The following PTPRN2 variants were observed in gnomAD, a reference collection of about 807,000 sequenced individuals.
The protein encoded by PTPRN2 is protein tyrosine phosphatase receptor type N2.
A neutral mutation model predicts 118.8 loss-of-function variants in PTPRN2; 74 were observed. The ratio of observed to expected loss-of-function variants is 0.62; its 90% CI spans 0.52 to 0.76. The LOEUF (loss-of-function observed/expected upper bound fraction) is 0.76. Ranked by LOEUF, PTPRN2 falls within the 30% of genes least tolerant of loss-of-function variation. The pLI is 0.00. For synonymous variants in PTPRN2, 641 were observed against 608.0 expected, an observed-to-expected ratio of 1.05 and a Z score of -0.80; for missense variants, 1,481 against 1,394.4, an observed-to-expected ratio of 1.06 and a Z score of -0.99.
At chr7:158,032,223 C>T (rs749058060) in intron 11 of PTPRN2, among the ~76,000 whole-genome samples, 5 of 152,184 alleles carry the variant, frequency 3.3e-5, no homozygotes, top group East Asian at 1.9e-4. Context: ...ATTGCTTCGC[C>T]GGGAGCAGCA....
chr7:157,962,613 G>A (rs1253978978), intron 11 of PTPRN2, among the ~76,000 whole-genome samples: 1 of 152,212 alleles, frequency 6.6e-6, no homozygotes, highest in Non-Finnish European at 1.5e-5. Flanking sequence ...TACACACCCG[G>A]GGTCAGGTGC....
In PTPRN2 at chr7:158,406,853, C is replaced by CA. The variant is rs1444046471; in HGVS notation, c.163+82881dup. On this transcript the variant is annotated intron_variant, in intron 2 of 22. Transcript: ENST00000389418. ...GCTGTTATAAACAGACCCTGGATGA[C>CA]AGAGCTCCAGGATCACAGCAGGCAC... 2.0e-5 allele frequency among the ~76,000 whole-genome samples: 3 copies of CA among 152,210 alleles called. 1 individual carries two copies. Among genetic ancestry groups the CA allele is most frequent in the Admixed American group, 1.3e-4 (2 of 15,290 alleles).
chr7:158,515,127 C>T (rs1249513990), intron 1 of PTPRN2, among the ~76,000 whole-genome samples: 1 of 151,958 alleles, frequency 6.6e-6, no homozygotes, highest in South Asian at 2.1e-4. Flanking sequence ...GAGAAAGGGG[C>T]AGCCCCGGGC....
intron 2 of PTPRN2, among the ~76,000 whole-genome samples, chr7:158,324,058 T>TAC (rs1803265700): frequency 1.4e-4 from 3 of 21,578 alleles, no homozygotes; most frequent in African/African-American, 3.7e-4. Flanking sequence ...TTTGCAAACG[T>TAC]GCACACACAC....
At position 158,238,012 on chromosome 7, in the gene PTPRN2, C is replaced by T. The variant is rs983027833; in HGVS notation, c.278-32739G>A. Among the ~76,000 whole-genome samples the T allele has an allele frequency of 7.2e-5, 11 of 152,276 alleles. No homozygotes were observed. In the South Asian group the frequency reaches 8.3e-4, roughly 11 times the overall value. ...CCACACCTGTGCTGGCTGCTCCCGA[C>T]GTCCCTGGAGGCCAGCTGTTCCGGC... On this transcript the variant is annotated intron_variant, in intron 3 of 22. Coordinates refer to ENST00000389418, the MANE Select transcript of PTPRN2 (RefSeq NM_002847.5).
At position 157,974,579 on chromosome 7, in the gene PTPRN2, C is replaced by T. The variant is rs1475334435; in HGVS notation, c.1724-75842G>A. 6.6e-6 allele frequency among the ~76,000 whole-genome samples: 1 copy of T among 151,896 alleles called. No homozygotes were observed. Among genetic ancestry groups the T allele is most frequent in the Non-Finnish European group, 1.5e-5 (1 of 67,980 alleles). On this transcript the variant is annotated intron_variant, in intron 11 of 22. Transcript: ENST00000389418. This position sits in a 1 kb window ranked among gnomAD's most constrained non-coding sequence, Gnocchi z 4.0. Reference sequence around the variant, plus strand: ...TTGTCGTGGACATCTCTGGTCTCAGCCGGCAGGGGTGGGTGGGACCTCAGA... The same window carrying T: ...TTGTCGTGGACATCTCTGGTCTCAGTCGGCAGGGGTGGGTGGGACCTCAGA...
intron 12 of PTPRN2, among the ~76,000 whole-genome samples, chr7:157,835,333 G>C (rs549733381): frequency 4.2e-4 from 64 of 152,342 alleles, no homozygotes; most frequent in Non-Finnish European, 7.3e-4. Context: ...TGAAGGCAAA[G>C]AGCTGGAACT....
At chr7:157,736,998 G>C (rs1800336903) in intron 12 of PTPRN2, among the ~76,000 whole-genome samples, 1 of 152,172 alleles carries the variant, frequency 6.6e-6, no homozygotes, top group Non-Finnish European at 1.5e-5. Flanking sequence ...CTTTGCAGAG[G>C]CTTCCCGAGT....
chr7:158,571,498 A>C (rs933814392), intron 1 of PTPRN2, among the ~76,000 whole-genome samples: 2 of 148,054 alleles, frequency 1.4e-5, no homozygotes, highest in African/African-American at 2.6e-5. Flanking sequence ...AAAACAAAAA[A>C]AAACAAAAAA....
chr7:158,268,332 A>G (rs1167256768), intron 3 of PTPRN2, among the ~76,000 whole-genome samples: 1 of 148,784 alleles, frequency 6.7e-6, no homozygotes, highest in African/African-American at 2.5e-5. Flanking sequence ...GCACGCACAC[A>G]GGGCGGGTGT....
At chr7:158,176,402 A>G (rs762691026) in intron 5 of PTPRN2, among the ~76,000 whole-genome samples, 3 of 152,180 alleles carry the variant, frequency 2.0e-5, no homozygotes, top group Non-Finnish European at 4.4e-5. Context: ...ACATTTTGCA[A>G]ATGAGGAAAG....
intron 2 of PTPRN2, among the ~76,000 whole-genome samples, chr7:158,375,624 C>G (rs1421185037): frequency 6.6e-6 from 1 of 152,258 alleles, no homozygotes; most frequent in African/African-American, 2.4e-5. Flanking sequence ...TCAATGGGAA[C>G]AGGCATTCCT....
chr7:157,649,698 A>G (rs1269466704), intron 14 of PTPRN2, among the ~76,000 whole-genome samples: 7 of 140,578 alleles, frequency 5.0e-5, no homozygotes, highest in Non-Finnish European at 7.8e-5. Flanking sequence ...GGACCCATTC[A>G]CTGTGCACTG....
intron 2 of PTPRN2, among the ~76,000 whole-genome samples, chr7:158,337,349 C>T (rs1475134561): frequency 1.2e-5 from 1 of 84,124 alleles, no homozygotes; most frequent in African/African-American, 4.4e-5. Context: ...AGAGGTGACA[C>T]CTGCAGACGT....
chr7:158,297,004 C>T (rs911598513), intron 3 of PTPRN2, among the ~76,000 whole-genome samples: 3 of 152,146 alleles, frequency 2.0e-5, no homozygotes, highest in African/African-American at 4.8e-5. Flanking sequence ...CAGATGTGGC[C>T]GGGGGCAACA....
intron 12 of PTPRN2, among the ~76,000 whole-genome samples, chr7:157,692,083 A>G (rs1481157100): frequency 6.6e-6 from 1 of 152,222 alleles, no homozygotes; most frequent in Non-Finnish European, 1.5e-5. Context: ...CACGCAGATG[A>G]CAGTCTGCGG....
rs1291064493 is a variant in PTPRN2, at chr7:158,341,953, C to T, written c.164-25021G>A. ...CCCACATTCTCACCATAAGAGCTGT[C>T]GCCCGCAGACGTCACTCACACCCAC... On this transcript the variant is annotated intron_variant, in intron 2 of 22. Transcript: ENST00000389418. Among the ~76,000 whole-genome samples, 702 of 147,136 alleles carry T rather than the reference C, an allele frequency of 4.8e-3. 2 individuals carry two copies. The highest frequency in any genetic ancestry group is 6.2e-3 in the Non-Finnish European group (409 of 66,314).
chr7:158,095,256 G>A (rs571964439), intron 10 of PTPRN2, among the ~76,000 whole-genome samples: 2 of 150,396 alleles, frequency 1.3e-5, no homozygotes, highest in African/African-American at 2.5e-5. Context: ...TAAGAATAAC[G>A]CCAAGCAGGG....
intron 1 of PTPRN2, among the ~76,000 whole-genome samples, chr7:158,504,387 C>CG: frequency 6.6e-6 from 1 of 152,238 alleles, no homozygotes; most frequent in South Asian, 2.1e-4. Flanking sequence ...GTGTCGTTCC[C>CG]CCCCCATGTG....
Sources: allele counts gnomAD v4.1 joint callset (sites outside exome capture counted in the v4.1 genomes callset), GRCh38; gene constraint gnomAD v4.1.1; non-coding constraint Gnocchi (gnomAD v3.1); transcripts MANE v1.5; gene names NCBI Gene and HGNC (gene_info 2026-07-23, HGNC 2026-07-21).